The following ZMYM4 variants were observed in gnomAD, a reference collection of about 807,000 sequenced individuals.
ZMYM4 encodes the protein zinc finger MYM-type protein 4.
In ZMYM4, 31 loss-of-function variants were observed where a neutral mutation model predicts 183.2. The observed-to-expected ratio is 0.17, with a 90% CI of 0.13 to 0.23. The LOEUF (loss-of-function observed/expected upper bound fraction) is 0.23, where lower values mean the gene tolerates loss of function less well. Among genes scored for constraint, ZMYM4 ranks in the 10% least tolerant of loss-of-function variants. The pLI is 1.00. For synonymous variants in ZMYM4, 592 were observed against 631.2 expected, an observed-to-expected ratio of 0.94 and a Z score of 0.93; for missense variants, 1,273 against 1,840.3, an observed-to-expected ratio of 0.69 and a Z score of 5.64.
intron 5 of ZMYM4, among the ~76,000 whole-genome samples, chr1:35,367,158 A>T (rs575903663): frequency 6.6e-6 from 1 of 152,116 alleles, no homozygotes; most frequent in African/African-American, 2.4e-5. Flanking sequence ...ATTCTAAAAA[A>T]TGGATGGAGA....
chr1:35,288,141 A>G (rs1480563063), intron 1 of ZMYM4, among the ~76,000 whole-genome samples: 1 of 152,186 alleles, frequency 6.6e-6, no homozygotes, highest in East Asian at 1.9e-4. Flanking sequence ...ATGATTTTAA[A>G]AACATTTTTG....
chr1:35,419,688 AGGTTCTTATTTTCATACATATTGGT>A lies in ZMYM4; in HGVS notation c.*12_*36del. 6.2e-7 allele frequency: 1 copy of A among 1,613,944 alleles called. No homozygotes were observed. The highest frequency in any genetic ancestry group is 2.2e-5 in the East Asian group (1 of 44,866). On this transcript the variant is annotated 3_prime_UTR_variant, in exon 30 of 30. Coordinates refer to ENST00000314607, the MANE Select transcript of ZMYM4 (RefSeq NM_005095.3). ...GAATTATCAGATTAAAACGGAAGTG[AGGTTCTTATTTTCATACATATTGGT>A]ATGCACCAAACTGTGAATGCATCCA...
chr1:35,340,631 C>T (rs562404431), intron 2 of ZMYM4, among the ~76,000 whole-genome samples: 5 of 152,048 alleles, frequency 3.3e-5, no homozygotes, highest in South Asian at 2.1e-4. Context: ...AGGGTTTGCG[C>T]TCCTATGAGA....
intron 1 of ZMYM4, among the ~76,000 whole-genome samples, chr1:35,309,820 CTGATT>C (rs1641710755): frequency 6.6e-6 from 1 of 151,174 alleles, no homozygotes; most frequent in Admixed American, 6.6e-5. Context: ...TTAGAATATT[CTGATT>C]TATTTATTTT....
chr1:35,316,730 C>T (rs1352289911), intron 1 of ZMYM4, among the ~76,000 whole-genome samples: 2 of 152,134 alleles, frequency 1.3e-5, no homozygotes, highest in African/African-American at 4.8e-5. Context: ...AGTGATAACA[C>T]AGGAACTGAA....
At chr1:35,394,277 T>G (rs1320543878) in intron 18 of ZMYM4, among the ~76,000 whole-genome samples, 3 of 149,910 alleles carry the variant, frequency 2.0e-5, no homozygotes, top group Non-Finnish European at 4.4e-5. Context: ...CTTCTTGGCT[T>G]GCCTCCCCTG....
At chr1:35,343,515 G>T (rs565662909) in intron 2 of ZMYM4, among the ~76,000 whole-genome samples, 1 of 151,998 alleles carries the variant, frequency 6.6e-6, no homozygotes, top group South Asian at 2.1e-4. Flanking sequence ...CCACAAATCC[G>T]TATGTTTATC....
At chr1:35,384,336 C>T (rs1276905762) in intron 9 of ZMYM4, among the ~76,000 whole-genome samples, 1 of 152,136 alleles carries the variant, frequency 6.6e-6, no homozygotes, top group Non-Finnish European at 1.5e-5. Context: ...AGAATTCAGG[C>T]ATATATTCAC....
intron 1 of ZMYM4, among the ~76,000 whole-genome samples, chr1:35,323,697 C>T (rs6691329): frequency 0.071 from 10,807 of 151,976 alleles, 982 homozygotes; most frequent in African/African-American, 0.21. Context: ...GGACTACAGG[C>T]GCCCACCACC....
intron 1 of ZMYM4, among the ~76,000 whole-genome samples, chr1:35,322,488 A>AT (rs1490074352): frequency 6.6e-6 from 1 of 151,746 alleles, no homozygotes; most frequent in East Asian, 1.9e-4. Context: ...TGTGATCCAA[A>AT]TTTTTTCACC....
chr1:35,409,686 A>T (rs987992675), intron 26 of ZMYM4, among the ~76,000 whole-genome samples: 1 of 152,098 alleles, frequency 6.6e-6, no homozygotes, highest in Non-Finnish European at 1.5e-5. Context: ...TCACACCTGT[A>T]ATCCCAGCAC....
chr1:35,331,632 A>G (rs1471117594), intron 2 of ZMYM4, among the ~76,000 whole-genome samples: 1 of 151,828 alleles, frequency 6.6e-6, no homozygotes, highest in African/African-American at 2.4e-5. Flanking sequence ...CTAAAAATAC[A>G]AAAAATTCAC....
intron 1 of ZMYM4, among the ~76,000 whole-genome samples, chr1:35,314,387 C>G (rs12069385): frequency 6.6e-6 from 1 of 151,768 alleles, no homozygotes; most frequent in Non-Finnish European, 1.5e-5. Context: ...CGGGTTCCAG[C>G]GATTCTCCTG....
chr1:35,276,292 C>T (rs1639872868), intron 1 of ZMYM4, among the ~76,000 whole-genome samples: 1 of 140,284 alleles, frequency 7.1e-6, no homozygotes, highest in Admixed American at 7.3e-5. Context: ...TCTTTCTTCC[C>T]TCCTTTCCTT....
At chr1:35,330,405 C>T (rs1642687748) in intron 2 of ZMYM4, among the ~76,000 whole-genome samples, 2 of 152,048 alleles carry the variant, frequency 1.3e-5, no homozygotes, top group Non-Finnish European at 1.5e-5. Context: ...TTCAAGGTAG[C>T]GTGGTGTTCT....
At chr1:35,289,371 T>G (rs1191261903) in intron 1 of ZMYM4, among the ~76,000 whole-genome samples, 1 of 152,112 alleles carries the variant, frequency 6.6e-6, no homozygotes, top group Non-Finnish European at 1.5e-5. Flanking sequence ...ATTTTGGAGG[T>G]ACAGTCAATA....
intron 1 of ZMYM4, among the ~76,000 whole-genome samples, chr1:35,310,669 C>T (rs1415930767): frequency 6.6e-6 from 1 of 152,052 alleles, no homozygotes; most frequent in Non-Finnish European, 1.5e-5. Context: ...ACCTCTACCT[C>T]CCAGATTCAA....
At chr1:35,388,712 GTT>G (rs1239401866) in intron 13 of ZMYM4, among the ~76,000 whole-genome samples, 196 bp from the exon 14 acceptor site, 3 of 151,108 alleles carry the variant, frequency 2.0e-5, no homozygotes, top group Non-Finnish European at 4.4e-5. Flanking sequence ...TTTTGTTTTT[GTT>G]TTTATTTGAC....
intron 1 of ZMYM4, among the ~76,000 whole-genome samples, chr1:35,273,838 A>C (rs1407744316): frequency 6.6e-6 from 1 of 152,174 alleles, no homozygotes; most frequent in East Asian, 1.9e-4. Context: ...AAGGGTGCAA[A>C]TTTCACAAAG....
Sources: gnomAD v4.1 joint callset for allele counts (sites outside exome capture counted in the v4.1 genomes callset) on GRCh38, gnomAD v4.1.1 for gene constraint, MANE v1.5 for transcripts, NCBI Gene and HGNC (gene_info 2026-07-23, HGNC 2026-07-21) for gene names.